The following SEZ6L variants were observed in gnomAD, a reference collection of about 807,000 sequenced individuals.
SEZ6L encodes seizure 6-like protein.
Under a neutral mutation model 106.2 loss-of-function variants are expected in SEZ6L, and 37 were observed. That is an observed-to-expected ratio of 0.35 (90% CI 0.27 to 0.46). The LOEUF (loss-of-function observed/expected upper bound fraction) is 0.46. Ranked by LOEUF, SEZ6L falls within the 20% of genes least tolerant of loss-of-function variation. The pLI, the probability that SEZ6L is intolerant of heterozygous loss-of-function variation, is 1.00. For synonymous variants in SEZ6L, 541 were observed against 570.4 expected (o/e 0.95, Z 0.73); for missense variants, 1,172 against 1,332.8 (o/e 0.88, Z 1.88).
chr22:26,252,874 A>G (rs2079650503), intron 1 of SEZ6L, among the ~76,000 whole-genome samples: 1 of 152,254 alleles, frequency 6.6e-6, no homozygotes, highest in Non-Finnish European at 1.5e-5. Flanking sequence ...ATAGTGCTGT[A>G]ATTAACATGC....
At position 26,248,048 on chromosome 22, in the gene SEZ6L, C is replaced by A. The variant is rs554782889; in HGVS notation, c.95-44358C>A. On this transcript the variant is annotated intron_variant, in intron 1 of 16. Coordinates refer to ENST00000248933, the MANE Select transcript of SEZ6L (RefSeq NM_021115.5). ...TGTGTCTCCATCACAGAGAGCCAGA[C>A]TGGACAAAGAGTTCAGGGTGCATTT... is the stretch of plus-strand genomic sequence containing the variant. Among the ~76,000 whole-genome samples the A allele has an allele frequency of 5.3e-5, 8 of 152,314 alleles. No individual in the cohort carries two copies. In the South Asian group the frequency reaches 1.4e-3, roughly 28 times the overall value.
intron 9 of SEZ6L, among the ~76,000 whole-genome samples, chr22:26,325,362 A>G (rs1358557127): frequency 6.6e-6 from 1 of 152,160 alleles, no homozygotes; most frequent in Non-Finnish European, 1.5e-5. Context: ...GCTCCAAATG[A>G]TATTACTGTG....
At chr22:26,235,386 A>G (rs1409880068) in intron 1 of SEZ6L, among the ~76,000 whole-genome samples, 2 of 152,162 alleles carry the variant, frequency 1.3e-5, no homozygotes, top group African/African-American at 2.4e-5. Context: ...GAATTCAACA[A>G]ACATTTACTC....
intron 10 of SEZ6L, among the ~76,000 whole-genome samples, chr22:26,347,169 C>T (rs920132623): frequency 1.3e-5 from 2 of 150,566 alleles, no homozygotes; most frequent in Non-Finnish European, 2.9e-5. Context: ...GCACTCCAGC[C>T]TGAGCAACAG....
At chr22:26,287,554 T>C (rs117919379) in intron 1 of SEZ6L, among the ~76,000 whole-genome samples, 4 of 152,268 alleles carry the variant, frequency 2.6e-5, no homozygotes, top group Admixed American at 6.5e-5. Context: ...AACAAGGCTA[T>C]TGGGGCAAGT....
At chr22:26,273,166 C>T (rs879512432) in intron 1 of SEZ6L, among the ~76,000 whole-genome samples, 1 of 152,250 alleles carries the variant, frequency 6.6e-6, no homozygotes, top group Non-Finnish European at 1.5e-5. Context: ...TTCTCTGTGT[C>T]ACAAGCCCCA....
intron 5 of SEZ6L, among the ~76,000 whole-genome samples, chr22:26,304,932 A>G (rs1050731818): frequency 6.6e-6 from 1 of 152,254 alleles, no homozygotes; most frequent in Non-Finnish European, 1.5e-5. Flanking sequence ...TTGCGTGAAC[A>G]TCATAGAGTG....
At chr22:26,338,438 C>G (rs746732619) in intron 9 of SEZ6L, among the ~76,000 whole-genome samples, 4 of 152,188 alleles carry the variant, frequency 2.6e-5, no homozygotes, top group Non-Finnish European at 4.4e-5. Context: ...TGCTCTATTG[C>G]CCAGGCTGGA....
At chr22:26,201,253 G>T (rs1940924667) in intron 1 of SEZ6L, among the ~76,000 whole-genome samples, 1 of 152,130 alleles carries the variant, frequency 6.6e-6, no homozygotes, top group Non-Finnish European at 1.5e-5. Flanking sequence ...GGGCACGGTG[G>T]CTTACGCCTG....
chr22:26,345,519 C>G (rs2082978782), intron 10 of SEZ6L, among the ~76,000 whole-genome samples: 1 of 152,228 alleles, frequency 6.6e-6, no homozygotes, highest in African/African-American at 2.4e-5. Flanking sequence ...TGAGCATCTG[C>G]AGCTGTGTCC....
At chr22:26,192,041 C>T (rs1940256410) in intron 1 of SEZ6L, among the ~76,000 whole-genome samples, 1 of 152,144 alleles carries the variant, frequency 6.6e-6, no homozygotes, top group Non-Finnish European at 1.5e-5. Flanking sequence ...CCTGTCCATC[C>T]ATTCATCAAT....
intron 1 of SEZ6L, among the ~76,000 whole-genome samples, chr22:26,201,023 C>G (rs1369667815): frequency 6.6e-6 from 1 of 152,118 alleles, no homozygotes; most frequent in Middle Eastern, 3.2e-3. Flanking sequence ...GCTGGTTCCC[C>G]CAACAGGCCT....
At chr22:26,170,667 C>G (rs1267876268) in intron 1 of SEZ6L, among the ~76,000 whole-genome samples, 1 of 152,140 alleles carries the variant, frequency 6.6e-6, no homozygotes, top group Non-Finnish European at 1.5e-5. Flanking sequence ...GGTGCAACGC[C>G]TAACTCACCC....
intron 12 of SEZ6L, among the ~76,000 whole-genome samples, chr22:26,354,391 C>G (rs952822822): frequency 3.3e-5 from 5 of 152,122 alleles, no homozygotes; most frequent in Non-Finnish European, 5.9e-5. Flanking sequence ...AGGAAGGACC[C>G]CCCCCAACCG....
At chr22:26,289,961 T>C (rs2081056393) in intron 1 of SEZ6L, among the ~76,000 whole-genome samples, 1 of 152,208 alleles carries the variant, frequency 6.6e-6, no homozygotes, top group Non-Finnish European at 1.5e-5. Context: ...GGGCTGTGAT[T>C]GCAATGACAA....
intron 1 of SEZ6L, among the ~76,000 whole-genome samples, chr22:26,229,699 A>G (rs62224252): frequency 0.22 from 33,303 of 152,170 alleles, 3,943 homozygotes; most frequent in East Asian, 0.42. Flanking sequence ...CTCCAGATCC[A>G]CTTAGACAGG....
chr22:26,257,808 G>A (rs1019799734), intron 1 of SEZ6L, among the ~76,000 whole-genome samples: 6 of 152,194 alleles, frequency 3.9e-5, no homozygotes, highest in Non-Finnish European at 8.8e-5. Context: ...GCTTGGAGAA[G>A]AACAGGCATT....
intron 1 of SEZ6L, among the ~76,000 whole-genome samples, chr22:26,263,016 T>A (rs1040363876): frequency 1.3e-5 from 2 of 152,200 alleles, no homozygotes; most frequent in Admixed American, 1.3e-4. Flanking sequence ...AGAATTAATG[T>A]CATTTCCACA....
At chr22:26,371,020 AAAAAGGGAGGG>A (rs1427469460) in intron 13 of SEZ6L, among the ~76,000 whole-genome samples, 1 of 151,842 alleles carries the variant, frequency 6.6e-6, no homozygotes, top group Non-Finnish European at 1.5e-5. Context: ...AAAAAAAAAA[AAAAAGGGAGGG>A]AGGTTCATAT....
Sources: gnomAD v4.1 joint callset for allele counts (sites outside exome capture counted in the v4.1 genomes callset) on GRCh38, gnomAD v4.1.1 for gene constraint, MANE v1.5 for transcripts, NCBI Gene and HGNC (gene_info 2026-07-23, HGNC 2026-07-21) for gene names.